PTPRT: variants seen among roughly 807,000 people sequenced by gnomAD.
The protein encoded by PTPRT is protein tyrosine phosphatase receptor type T.
In PTPRT, 56 loss-of-function variants were observed where a neutral mutation model predicts 176.8. That is an observed-to-expected ratio of 0.32 (90% CI 0.26 to 0.40). PTPRT has a LOEUF of 0.40. Among genes scored for constraint, PTPRT ranks in the 10% least tolerant of loss-of-function variants. The pLI, the probability that PTPRT is intolerant of heterozygous loss-of-function variation, is 1.00. For synonymous variants in PTPRT, 783 were observed against 739.0 expected (o/e 1.06, Z -0.96); for missense variants, 1,540 against 1,908.2 (o/e 0.81, Z 3.60).
At chr20:42,191,097 A>T (rs1057333227) in intron 16 of PTPRT, among the ~76,000 whole-genome samples, 65 of 152,280 alleles carry the variant, frequency 4.3e-4, no homozygotes, top group African/African-American at 1.3e-3. Context: ...AGGATCATAA[A>T]TATTAACAAT....
intron 13 of PTPRT, among the ~76,000 whole-genome samples, chr20:42,260,391 C>T (rs1410762552): frequency 5.9e-5 from 9 of 152,172 alleles, no homozygotes; most frequent in Non-Finnish European, 7.3e-5. Context: ...GGCTCAAAGC[C>T]GCTTAGCTGC....
rs765303743 is a variant in PTPRT, at chr20:42,472,447, G to A, written c.1269C>T (p.Thr423=). 23 of 1,614,240 alleles carry A rather than the reference G, an allele frequency of 1.4e-5. No homozygotes were observed. Among genetic ancestry groups the A allele is most frequent in the Non-Finnish European group, 1.9e-5 (22 of 1,180,032 alleles). The change falls in exon 8 of 31, where the codon ACC becomes ACT. Residue 423 remains threonine, a synonymous_variant. Coordinates refer to ENST00000373187, the MANE Select transcript of PTPRT (RefSeq NM_007050.6). ...GGTTGAACACATACTGGTACTGCAC[G>A]GTGAGGTTGTAGCTATGGCAGCGGG... is the stretch of plus-strand genomic sequence containing the variant. The part of the protein sequence containing the change: ...AVTRCHSYNL[T]VQYQYVFNQQ...
intron 6 of PTPRT, among the ~76,000 whole-genome samples, chr20:42,698,017 C>G (rs983067543): frequency 2.0e-5 from 3 of 152,190 alleles, no homozygotes; most frequent in Non-Finnish European, 4.4e-5. Flanking sequence ...GAATTGATCT[C>G]TAATCGTATC....
chr20:42,338,863 TGAAGGTTAAAAA>T (rs2058075270), intron 11 of PTPRT, among the ~76,000 whole-genome samples: 1 of 152,140 alleles, frequency 6.6e-6, no homozygotes, highest in Admixed American at 6.6e-5. Context: ...CTGAACTGTC[TGAAGGTTAAAAA>T]CCTTCATTTT....
chr20:42,209,435 A>G (rs2055561625), intron 15 of PTPRT, among the ~76,000 whole-genome samples: 1 of 152,090 alleles, frequency 6.6e-6, no homozygotes. Flanking sequence ...GAAGAATCTA[A>G]TAGACACAAT....
At chr20:42,042,285 T>C in the PTPRT span, among the ~76,000 whole-genome samples, 860 of 152,160 alleles carry the variant, frequency 5.7e-3, 7 homozygotes, top group African/African-American at 0.02. Context: ...TAGTGAGCAA[T>C]AGAGATTTTC....
chr20:42,570,824 T>A (rs2073140226), intron 7 of PTPRT, among the ~76,000 whole-genome samples: 1 of 152,158 alleles, frequency 6.6e-6, no homozygotes, highest in Non-Finnish European at 1.5e-5. Flanking sequence ...AATCTTCCCA[T>A]CACAAGATCT....
intron 2 of PTPRT, among the ~76,000 whole-genome samples, chr20:42,804,173 A>G (rs1035696480): frequency 6.6e-6 from 1 of 151,564 alleles, no homozygotes; most frequent in African/African-American, 2.4e-5. Flanking sequence ...TTCATCCTGA[A>G]CCCACTCTTC....
intron 1 of PTPRT, among the ~76,000 whole-genome samples, chr20:43,161,862 G>A (rs1200818736): frequency 6.6e-6 from 1 of 152,182 alleles, no homozygotes; most frequent in Non-Finnish European, 1.5e-5. Context: ...GCAGAACAGA[G>A]GGCCCAGGAG....
At position 42,359,480 on chromosome 20, in the gene PTPRT, A is replaced by G. The variant is rs2058402766; in HGVS notation, c.1561-7195T>C. Among the ~76,000 whole-genome samples the G allele has an allele frequency of 2.0e-5, 3 of 152,218 alleles. No homozygotes were observed. The East Asian group carries it at 5.8e-4, about 29-fold the overall frequency. On this transcript the variant is annotated intron_variant, in intron 9 of 30. Transcript: ENST00000373187. ...AAACCACTGGGGAAGACCTGCAAGT[A>G]TCCTTACTGGCCTCGTGCTTCCAAT...
intron 1 of PTPRT, among the ~76,000 whole-genome samples, chr20:42,988,799 C>G (rs1983738291): frequency 6.6e-6 from 1 of 152,124 alleles, no homozygotes. Flanking sequence ...GAGGGACATG[C>G]TAGGAATGAG....
rs56051612 is a variant in PTPRT, at chr20:42,689,368, G to A, written c.860-11209C>T. Among the ~76,000 whole-genome samples, 669 of 152,220 alleles carry A rather than the reference G, an allele frequency of 4.4e-3. 9 individuals are homozygous for A. The highest frequency in any genetic ancestry group is 0.015 in the African/African-American group (626 of 41,532). ...GCCACTGGGCGGCCCAACTCCAGGG[G>A]AAGACCACCTTCCCACTCCATCCTC... On this transcript the variant is annotated intron_variant, in intron 6 of 30. Coordinates refer to ENST00000373187, the MANE Select transcript of PTPRT (RefSeq NM_007050.6).
At chr20:42,634,746 A>G (rs1192165812) in intron 7 of PTPRT, among the ~76,000 whole-genome samples, 1 of 152,158 alleles carries the variant, frequency 6.6e-6, no homozygotes, top group African/African-American at 2.4e-5. Context: ...GATGAAAAAG[A>G]TGAGTTTGCT....
chr20:42,611,314 C>A (rs985416707), intron 7 of PTPRT, among the ~76,000 whole-genome samples: 7 of 152,202 alleles, frequency 4.6e-5, no homozygotes, highest in Admixed American at 2.6e-4. Flanking sequence ...TTTTCACATT[C>A]TCTCCAACAC....
chr20:42,933,915 C>T (rs1304148701), intron 1 of PTPRT, among the ~76,000 whole-genome samples: 1 of 152,230 alleles, frequency 6.6e-6, no homozygotes, highest in Non-Finnish European at 1.5e-5. Flanking sequence ...GCCATACAAT[C>T]ATGGTGAATC....
intron 1 of PTPRT, among the ~76,000 whole-genome samples, chr20:42,891,637 A>C (rs747347820): frequency 1.3e-5 from 2 of 152,214 alleles, no homozygotes; most frequent in Non-Finnish European, 2.9e-5. Flanking sequence ...TTCTTTTGAA[A>C]ATGAGAGAGG....
chr20:42,278,413 T>C (rs927314009), intron 13 of PTPRT, among the ~76,000 whole-genome samples: 2 of 151,230 alleles, frequency 1.3e-5, no homozygotes, highest in African/African-American at 4.9e-5. Context: ...TGCCAGAGTG[T>C]AATAAGAGAA....
At chr20:43,051,074 G>A (rs1987023155) in intron 1 of PTPRT, among the ~76,000 whole-genome samples, 1 of 152,202 alleles carries the variant, frequency 6.6e-6, no homozygotes, top group African/African-American at 2.4e-5. Flanking sequence ...TCAATAGAGA[G>A]AAAGCAAAGT....
intron 7 of PTPRT, among the ~76,000 whole-genome samples, chr20:42,573,906 G>T (rs764503441): frequency 6.6e-6 from 1 of 151,746 alleles, no homozygotes; most frequent in Admixed American, 6.6e-5. Flanking sequence ...GTGCCACCAC[G>T]CCCGGTTAAT....
Sources: allele counts gnomAD v4.1 joint callset (sites outside exome capture counted in the v4.1 genomes callset), GRCh38; gene constraint gnomAD v4.1.1; transcripts MANE v1.5; gene names NCBI Gene and HGNC (gene_info 2026-07-23, HGNC 2026-07-21).